Variants in KIF15 observed in about 807,000 individuals in gnomAD.
KIF15 encodes the protein kinesin family member 15, also known as kinesin-like protein KIF15.
Under a neutral mutation model 190.6 loss-of-function variants are expected in KIF15, and 140 were observed. The observed-to-expected ratio is 0.73, with a 90% CI of 0.64 to 0.84. The LOEUF is 0.84. KIF15 is among the 40% of genes least tolerant of loss of function. KIF15 has a pLI of 0.00. For missense variants in KIF15, 1,372 were observed against 1,584.4 expected (o/e 0.87, Z 2.28); for synonymous variants, 528 against 551.3 (o/e 0.96, Z 0.59).
chr3:44,820,912 TC>T (rs1223110866), intron 20 of KIF15, among the ~76,000 whole-genome samples: 4 of 151,382 alleles, frequency 2.6e-5, no homozygotes, highest in Admixed American at 6.6e-5. Flanking sequence ...GCTCCTCACC[TC>T]CCAGTAGGGG....
chr3:44,847,486 G>A (rs886578910), intron 30 of KIF15, among the ~76,000 whole-genome samples: 1 of 152,096 alleles, frequency 6.6e-6, no homozygotes, highest in Non-Finnish European at 1.5e-5. Flanking sequence ...CCACATACAC[G>A]GAAAGGCAGA....
intron 26 of KIF15, among the ~76,000 whole-genome samples, chr3:44,832,716 G>C (rs1271452384): frequency 6.6e-6 from 1 of 152,028 alleles, no homozygotes; most frequent in Non-Finnish European, 1.5e-5. Context: ...ACACACATAA[G>C]ATATAAGATT....
intron 6 of KIF15, among the ~76,000 whole-genome samples, chr3:44,860,421 A>AG: frequency 6.6e-6 from 1 of 152,196 alleles, no homozygotes; most frequent in South Asian, 2.1e-4. Flanking sequence ...CCCAGGCTGG[A>AG]GGGCAGTGGT....
At chr3:44,801,176 T>C (rs1003258128) in intron 11 of KIF15, among the ~76,000 whole-genome samples, 6 of 151,020 alleles carry the variant, frequency 4.0e-5, no homozygotes, top group Non-Finnish European at 8.9e-5. Flanking sequence ...CCCAGCTAAT[T>C]TTTTTGTATT....
At position 44,805,030 on chromosome 3, in the gene KIF15, A is replaced by G. The variant is rs764148469; in HGVS notation, c.1691A>G (p.Gln564Arg). 3.6e-5 allele frequency: 58 copies of G among 1,607,334 alleles called. No individual in the cohort carries two copies. In the East Asian group the frequency reaches 1.3e-3, roughly 36 times the overall value. The change falls in exon 15 of 35, where the codon CAG becomes CGG. Residue 564 changes from glutamine (Q) to arginine (R), a missense_variant. Transcript: ENST00000326047. ...GAGATTGTTTTCTTATTAACAGATCAGCAAGGATTTTCACCTAAAGCTCAG... is the reference window on the plus strand; with the variant it reads ...GAGATTGTTTTCTTATTAACAGATCGGCAAGGATTTTCACCTAAAGCTCAG... ...ISGMEKSDKN[Q>R]QGFSPKAQKE...
chr3:44,864,987 G>A, intron 6 of KIF15: 6 of 1,607,068 alleles, frequency 3.7e-6, no homozygotes, highest in East Asian at 2.2e-5. Flanking sequence ...AGGAGAGTGA[G>A]GTTGTGCCCA....
chr3:44,844,513 A>T (rs1698757241), intron 30 of KIF15, among the ~76,000 whole-genome samples: 1 of 152,214 alleles, frequency 6.6e-6, no homozygotes, highest in African/African-American at 2.4e-5. Flanking sequence ...TACTGTGAAC[A>T]TAGAACATTT....
chr3:44,861,929 C>G, intron 6 of KIF15: 3 of 1,443,836 alleles, frequency 2.1e-6, no homozygotes, highest in Non-Finnish European at 2.7e-6. Flanking sequence ...GGCAACATGG[C>G]CGAGAGGCCG....
At chr3:44,797,241 C>G (rs1236341338) in intron 8 of KIF15, among the ~76,000 whole-genome samples, 1 of 152,128 alleles carries the variant, frequency 6.6e-6, no homozygotes, top group Non-Finnish European at 1.5e-5. Context: ...GTTGCCCAGG[C>G]TGGTATCCAA....
Position 44,838,404 on chromosome 3 carries a change from C to G in KIF15, c.3301C>G (p.Gln1101Glu). The G allele has an allele frequency of 6.2e-7, 1 of 1,612,946 alleles. No homozygotes were observed. The highest frequency in any genetic ancestry group is 8.5e-7 in the Non-Finnish European group (1 of 1,179,568). The change falls in exon 27 of 35, where the codon CAG (glutamine) becomes GAG (glutamate). Residue 1101 changes from glutamine (Q) to glutamate (E), a missense_variant. By Grantham distance (29) the Gln-to-Glu change is conservative. Coordinates refer to ENST00000326047, the MANE Select transcript of KIF15 (RefSeq NM_020242.3). ...ACTGACCAAGAAGGAAGCCCTGATT[C>G]AGGAACTTCAGCACAAGGTGAGAAA... is the stretch of plus-strand genomic sequence containing the variant. ...EELTKKEALI[Q>E]ELQHKLNQKK...
intron 5 of KIF15, among the ~76,000 whole-genome samples, chr3:44,783,434 A>G (rs1052398508): frequency 6.6e-6 from 1 of 152,158 alleles, no homozygotes; most frequent in South Asian, 2.1e-4. Context: ...CTCTTGGGAA[A>G]TAAGAGAACT....
chr3:44,806,841 G>T (rs1707524912), intron 16 of KIF15, among the ~76,000 whole-genome samples: 1 of 152,090 alleles, frequency 6.6e-6, no homozygotes, highest in African/African-American at 2.4e-5. Context: ...CGCCTCCCAG[G>T]TTCAAGCGAT....
chr3:44,821,776 T>C (rs1189968403), intron 20 of KIF15, among the ~76,000 whole-genome samples: 4 of 152,186 alleles, frequency 2.6e-5, no homozygotes, highest in African/African-American at 9.7e-5. Context: ...GGCAGGCGGC[T>C]GGGAGGTGGA....
rs78468945 is a variant in KIF15 at position 44,762,559 on chromosome 3, G to A, written c.19+675G>A. Among the ~76,000 whole-genome samples, 269 of 152,250 alleles carry A rather than the reference G, an allele frequency of 1.8e-3. 2 individuals are homozygous for A. The highest frequency in any genetic ancestry group is 6.3e-3 in the African/African-American group (263 of 41,530). On this transcript the variant is annotated intron_variant, in intron 1 of 34. Coordinates refer to ENST00000326047, the MANE Select transcript of KIF15 (RefSeq NM_020242.3). ...CTTCTCACATTGCCACATCTCTTAA[G>A]GAGTCTTATTTTTGTAAACCTGATT...
intron 23 of KIF15, 61 bp from the exon 24 acceptor site, chr3:44,828,151 CTG>C (rs1697776814): frequency 4.4e-6 from 5 of 1,124,874 alleles, no homozygotes; most frequent in Non-Finnish European, 6.7e-6. Flanking sequence ...ACTTGTTTAT[CTG>C]TGTGTATGGT....
At chr3:44,771,153 G>T (rs369373495) in intron 1 of KIF15, among the ~76,000 whole-genome samples, 1 of 152,206 alleles carries the variant, frequency 6.6e-6, no homozygotes, top group East Asian at 1.9e-4. Context: ...AAAATGTCCA[G>T]GGTAGTTAGA....
chr3:44,856,817 C>T (rs1699193841), downstream of KIF15, among the ~76,000 whole-genome samples: 1 of 152,086 alleles, frequency 6.6e-6, no homozygotes, highest in Non-Finnish European at 1.5e-5. Flanking sequence ...AGTGAGGAAA[C>T]CTCTTTCTGC....
At chr3:44,848,457 T>C (rs1186719323) in intron 31 of KIF15, 64 bp from the exon 32 acceptor site, 1 of 757,344 alleles carries the variant, frequency 1.3e-6, no homozygotes. Context: ...TTCTATCTTT[T>C]TTAAGCAATG....
chr3:44,787,917 C>T (rs1706489993), intron 7 of KIF15, among the ~76,000 whole-genome samples: 2 of 151,760 alleles, frequency 1.3e-5, no homozygotes, highest in Non-Finnish European at 2.9e-5. Flanking sequence ...TGCAGTGGTG[C>T]AATCTTGGCT....
Sources: gnomAD v4.1 joint callset for allele counts (sites outside exome capture counted in the v4.1 genomes callset) on GRCh38, gnomAD v4.1.1 for gene constraint, MANE v1.5 for transcripts, NCBI Gene and HGNC (gene_info 2026-07-23, HGNC 2026-07-21) for gene names.